Variants in CRYGN observed in about 807,000 individuals in gnomAD.
The protein encoded by CRYGN is crystallin gamma N, also known as gamma-crystallin N.
In CRYGN, 17 loss-of-function variants were observed where a neutral mutation model predicts 19.2. The observed-to-expected ratio is 0.89, with a 90% confidence interval of 0.61 to 1.33. The LOEUF (loss-of-function observed/expected upper bound fraction) is 1.33, where lower values mean the gene tolerates loss of function less well. CRYGN is among the 40% of genes most tolerant of loss of function. CRYGN has a pLI of 0.00. For missense variants in CRYGN, 239 were observed against 239.6 expected (o/e 1.00, Z 0.02); for synonymous variants, 84 against 85.8 (o/e 0.98, Z 0.12).
chr7:151,433,904 T>C lies in CRYGN; in HGVS notation c.416+2276A>G, dbSNP rs1036512723. 6.6e-6 allele frequency among the ~76,000 whole-genome samples: 1 copy of C among 150,976 alleles called. No homozygotes were observed. The highest frequency in any genetic ancestry group is 1.5e-5 in the Non-Finnish European group (1 of 67,718). ...CACCGTGCCCTTCCCCAGGTGAGGG[T>C]AGGTGGAGGCAGAACGCCAGTGCAT... is the stretch of plus-strand genomic sequence containing the variant. On this transcript the variant is annotated intron_variant, in intron 3 of 3. Coordinates refer to ENST00000337323, the MANE Select transcript of CRYGN (RefSeq NM_144727.3). The surrounding 1 kb of genome is among the most constrained non-coding windows in gnomAD (Gnocchi z 5.1).
At position 151,436,388 on chromosome 7, in the gene CRYGN, A is replaced by G. The variant is rs1276904142; in HGVS notation, c.271-63T>C. ...TGCTGTGAATTCCCCTCTCCCAGAA[A>G]CAGAAGCCCCATGCAGGAAGGAATT... On this transcript the variant is annotated intron_variant, in intron 2 of 3. Coordinates refer to ENST00000337323, the MANE Select transcript of CRYGN (RefSeq NM_144727.3). The surrounding 1 kb of genome is among the most constrained non-coding windows in gnomAD (Gnocchi z 5.1). 12 of 1,438,126 alleles carry G rather than the reference A, an allele frequency of 8.3e-6. No individual in the cohort carries two copies. Among genetic ancestry groups the G allele is most frequent in the Non-Finnish European group, 1.1e-5 (12 of 1,082,040 alleles). The allele number at this position is 1,438,126 out of a possible 1,614,324, so 89.1% of individuals were successfully genotyped here. A position where few individuals can be genotyped will look rare whatever the true frequency, so the allele number is the denominator to read the frequency against.
Position 151,429,735 on chromosome 7 carries a change from T to C in CRYGN, c.*313A>G. On this transcript the variant is annotated 3_prime_UTR_variant, in exon 4 of 4. Transcript: ENST00000337323. ...ACTACAGAGCCTGGCATTAAGTCAG[T>C]GCTCCATAAATATTCATCAACATCA... is the stretch of plus-strand genomic sequence containing the variant. 1 of 414,862 alleles carries C rather than the reference T, an allele frequency of 2.4e-6. No homozygotes were observed. Among genetic ancestry groups the C allele is most frequent in the Non-Finnish European group, 4.4e-6 (1 of 225,094 alleles). 25.7% of individuals were successfully genotyped at this position (414,862 alleles called of 1,614,324 possible).
At chr7:151,434,046 GCCCACTCCC>G (rs1801538024) in intron 3 of CRYGN, among the ~76,000 whole-genome samples, 1 of 152,094 alleles carries the variant, frequency 6.6e-6, no homozygotes, top group South Asian at 2.1e-4. Flanking sequence ...ACCCTGCCTT[GCCCACTCCC>G]CCGACCCCAG....
Position 151,437,281 on chromosome 7 carries a change from G to C in CRYGN, c.270+715C>G, listed in dbSNP as rs75484202. ...GGGAGGGTCCTCAGCAGACATAAGCGAGACGCTCTGTGATGAGAGATGCAC... is the reference window on the plus strand; with the variant it reads ...GGGAGGGTCCTCAGCAGACATAAGCCAGACGCTCTGTGATGAGAGATGCAC... On this transcript the variant is annotated intron_variant, in intron 2 of 3. Coordinates refer to ENST00000337323, the MANE Select transcript of CRYGN (RefSeq NM_144727.3). 4.3e-4 allele frequency among the ~76,000 whole-genome samples: 65 copies of C among 152,262 alleles called. 1 individual carries two copies. The South Asian group carries it at 4.8e-3, about 11-fold the overall frequency.
In CRYGN at chr7:151,435,555, T is replaced by C. The variant is rs1455029133; in HGVS notation, c.416+625A>G. On this transcript the variant is annotated intron_variant, in intron 3 of 3. Coordinates refer to ENST00000337323, the MANE Select transcript of CRYGN (RefSeq NM_144727.3). This position sits in a 1 kb window ranked among gnomAD's most constrained non-coding sequence, Gnocchi z 4.2. ...GGTTGACCAGGAGGAAACCCAAGTG[T>C]GGGGCAGACAAACCCATCTGGGCCT... is the stretch of plus-strand genomic sequence containing the variant. Among the ~76,000 whole-genome samples the C allele has an allele frequency of 6.6e-6, 1 of 152,052 alleles. No individual in the cohort carries two copies. The highest frequency in any genetic ancestry group is 1.5e-5 in the Non-Finnish European group (1 of 68,006).
Position 151,430,250 on chromosome 7 carries a change from A to G in CRYGN, c.417-70T>C. The G allele has an allele frequency of 6.7e-7, 1 of 1,483,834 alleles. No individual in the cohort carries two copies. The highest frequency in any genetic ancestry group is 9.3e-7 in the Non-Finnish European group (1 of 1,073,510). 91.9% of individuals were successfully genotyped at this position (1,483,834 alleles called of 1,614,324 possible). A position where few individuals can be genotyped will look rare whatever the true frequency, so the allele number is the denominator to read the frequency against. On this transcript the variant is annotated intron_variant, in intron 3 of 3. Transcript: ENST00000337323. This position sits in a 1 kb window ranked among gnomAD's most constrained non-coding sequence, Gnocchi z 5.2. ...TACAGAGCAGGCCTTTTGGGGACCC[A>G]TCTACCACATGGCAGCAGGGAGCCC...
At chr7:151,434,927 C>T (rs552885774) in intron 3 of CRYGN, among the ~76,000 whole-genome samples, 48 of 152,360 alleles carry the variant, frequency 3.2e-4, no homozygotes, top group African/African-American at 1.1e-3. Flanking sequence ...CTCCAGATTA[C>T]TTATGATACC....
Position 151,435,352 on chromosome 7 carries a change from C to T in CRYGN, c.416+828G>A, listed in dbSNP as rs959886308. On this transcript the variant is annotated intron_variant, in intron 3 of 3. Coordinates refer to ENST00000337323, the MANE Select transcript of CRYGN (RefSeq NM_144727.3). This position sits in a 1 kb window ranked among gnomAD's most constrained non-coding sequence, Gnocchi z 4.2. ...AGCTGTGCCACTCCCACGGGGCGGC[C>T]GGGCAGTCAGCCTTCTGAGTCTCAG... Among the ~76,000 whole-genome samples the T allele has an allele frequency of 3.9e-5, 6 of 152,152 alleles. No homozygotes were observed. Among genetic ancestry groups the T allele is most frequent in the Non-Finnish European group, 7.4e-5 (5 of 68,024 alleles).
chr7:151,434,324 G>C (rs1424298651), intron 3 of CRYGN, among the ~76,000 whole-genome samples: 1 of 152,134 alleles, frequency 6.6e-6, no homozygotes. Flanking sequence ...TGGGCCGGGG[G>C]GATTGTGTCT....
At position 151,440,057 on chromosome 7, in the gene CRYGN, A is replaced by G; in HGVS notation, c.-140T>C. On this transcript the variant is annotated 5_prime_UTR_variant, in exon 1 of 4. Coordinates refer to ENST00000337323, the MANE Select transcript of CRYGN (RefSeq NM_144727.3). Reference sequence around the variant, plus strand: ...GGCGTGCTAAGCCCGAGGGGCCACCAGGCGGTTGGGACCCGCCGCGGCCAC... The same window carrying G: ...GGCGTGCTAAGCCCGAGGGGCCACCGGGCGGTTGGGACCCGCCGCGGCCAC... The G allele has an allele frequency of 7.4e-7, 1 of 1,352,580 alleles. No homozygotes were observed. Among genetic ancestry groups the G allele is most frequent in the Non-Finnish European group, 9.5e-7 (1 of 1,054,986 alleles). The allele number at this position is 1,352,580 out of a possible 1,614,324, so 83.8% of individuals were successfully genotyped here.
In CRYGN at chr7:151,436,228, C is replaced by A. The variant is rs1402116511; in HGVS notation, c.368G>T (p.Gly123Val). 1 of 1,595,938 alleles carries A rather than the reference C, an allele frequency of 6.3e-7. No homozygotes were observed. The highest frequency in any genetic ancestry group is 1.7e-5 in the Admixed American group (1 of 57,272). The change falls in exon 3 of 4, where the codon GGC becomes GTC. Residue 123 changes from glycine (G) to valine (V), a missense_variant. Gly to Val is a moderately radical substitution (Grantham distance 109, BLOSUM62 -3). Coordinates refer to ENST00000337323, the MANE Select transcript of CRYGN (RefSeq NM_144727.3). The surrounding 1 kb of genome is among the most constrained non-coding windows in gnomAD (Gnocchi z 5.1). ...LEDSPFLQSR[G>V]WVKNCVNTIK... ...GGTGTTCACACAGTTCTTGACCCAG[C>A]CCCTGCTCTGGAGGAAGGGGCTGTC...
chr7:151,430,085 G>T lies in CRYGN; in HGVS notation c.512C>A (p.Ala171Glu). The T allele has an allele frequency of 1.4e-6, 2 of 1,454,944 alleles. No homozygotes were observed. Among genetic ancestry groups the T allele is most frequent in the Non-Finnish European group, 1.9e-6 (2 of 1,034,386 alleles). The allele number at this position is 1,454,944 out of a possible 1,614,324, so 90.1% of individuals were successfully genotyped here. Residue 171 changes from alanine (A) to glutamate (E), a missense_variant, in exon 4 of 4, where the codon GCA becomes GAA. Transcript: ENST00000337323. The surrounding 1 kb of genome is among the most constrained non-coding windows in gnomAD (Gnocchi z 5.2). ...AGTCAGGAAAGGTGGCTGGGTTGTT[G>T]CTGGTTTTGTGGTGGCCTCTTCCGG... ...QGPEEATTKP[A>E]TTQPPFLTAN...
In CRYGN at chr7:151,435,350, G is replaced by A. The variant is rs1801576808; in HGVS notation, c.416+830C>T. Among the ~76,000 whole-genome samples the A allele has an allele frequency of 6.6e-6, 1 of 152,192 alleles. No homozygotes were observed. Among genetic ancestry groups the A allele is most frequent in the African/African-American group, 2.4e-5 (1 of 41,438 alleles). ...TCAGCTGTGCCACTCCCACGGGGCG[G>A]CCGGGCAGTCAGCCTTCTGAGTCTC... On this transcript the variant is annotated intron_variant, in intron 3 of 3. Coordinates refer to ENST00000337323, the MANE Select transcript of CRYGN (RefSeq NM_144727.3). The surrounding 1 kb of genome is among the most constrained non-coding windows in gnomAD (Gnocchi z 4.2).
At chr7:151,432,211 G>C in intron 3 of CRYGN, 1 of 1,232,194 alleles carries the variant, frequency 8.1e-7, no homozygotes, top group Non-Finnish European at 1.0e-6. Context: ...CTCCCAGTCC[G>C]AGAAGCTGCG....
At position 151,433,393 on chromosome 7, in the gene CRYGN, C is replaced by T. The variant is rs1174740688; in HGVS notation, c.416+2787G>A. 1.3e-5 allele frequency: 2 copies of T among 153,164 alleles called. No individual in the cohort carries two copies. The highest frequency in any genetic ancestry group is 2.9e-5 in the Non-Finnish European group (2 of 68,384). The allele number at this position is 153,164 out of a possible 1,614,324, so 9.5% of individuals were successfully genotyped here. A position where few individuals can be genotyped will look rare whatever the true frequency, so the allele number is the denominator to read the frequency against. On this transcript the variant is annotated intron_variant, in intron 3 of 3. Coordinates refer to ENST00000337323, the MANE Select transcript of CRYGN (RefSeq NM_144727.3). The surrounding 1 kb of genome is among the most constrained non-coding windows in gnomAD (Gnocchi z 5.1). ...CCAAGGAAGACACCTCAGGACAGCT[C>T]GGAGCAGGGGCTGGCCCAACCCTGT...
chr7:151,437,428 C>T (rs1801643521), intron 2 of CRYGN, among the ~76,000 whole-genome samples: 3 of 152,210 alleles, frequency 2.0e-5, no homozygotes, highest in Non-Finnish European at 2.9e-5. Context: ...GCAGCTGGAC[C>T]GAAACAGTCT....
chr7:151,429,366 G>A lies in CRYGN; in HGVS notation c.*682C>T, dbSNP rs1055967154. 1.3e-5 allele frequency: 2 copies of A among 153,008 alleles called. No individual in the cohort carries two copies. The highest frequency in any genetic ancestry group is 2.9e-5 in the Non-Finnish European group (2 of 68,676). 9.5% of individuals were successfully genotyped at this position (153,008 alleles called of 1,614,324 possible). A position where few individuals can be genotyped will look rare whatever the true frequency, so the allele number is the denominator to read the frequency against. ...AGCCCTCATATGGCACCCGCTCATGGGTCACGCCTTTGGCTTTTACAAGGG... is the reference window on the plus strand; with the variant it reads ...AGCCCTCATATGGCACCCGCTCATGAGTCACGCCTTTGGCTTTTACAAGGG... On this transcript the variant is annotated 3_prime_UTR_variant, in exon 4 of 4. Coordinates refer to ENST00000337323, the MANE Select transcript of CRYGN (RefSeq NM_144727.3).
intron 2 of CRYGN, among the ~76,000 whole-genome samples, chr7:151,437,448 G>A (rs758456810): frequency 2.9e-4 from 44 of 152,142 alleles, no homozygotes; most frequent in Non-Finnish European, 4.6e-4. Flanking sequence ...TTTCGCCACC[G>A]GGGAGCCATG....
Position 151,430,804 on chromosome 7 carries a change from C to T in CRYGN, c.417-624G>A, listed in dbSNP as rs533837732. On this transcript the variant is annotated intron_variant, in intron 3 of 3. Coordinates refer to ENST00000337323, the MANE Select transcript of CRYGN (RefSeq NM_144727.3). The surrounding 1 kb of genome is among the most constrained non-coding windows in gnomAD (Gnocchi z 5.2). Reference sequence around the variant, plus strand: ...AGTAAGATGTATGGTGAGGAGGACCCGGGAACTGAGAGGCCAGTCGGGAGC... The same window carrying T: ...AGTAAGATGTATGGTGAGGAGGACCTGGGAACTGAGAGGCCAGTCGGGAGC... Among the ~76,000 whole-genome samples the T allele has an allele frequency of 1.6e-4, 24 of 152,294 alleles. No homozygotes were observed. Among genetic ancestry groups the T allele is most frequent in the South Asian group, 8.3e-4 (4 of 4,816 alleles).
Sources: gnomAD v4.1 joint callset for allele counts (sites outside exome capture counted in the v4.1 genomes callset) on GRCh38, gnomAD v4.1.1 for gene constraint, Gnocchi (gnomAD v3.1) non-coding constraint, MANE v1.5 for transcripts, NCBI Gene and HGNC (gene_info 2026-07-23, HGNC 2026-07-21) for gene names.